CAMTA1: variants seen among roughly 807,000 people sequenced by gnomAD.
CAMTA1 encodes calmodulin binding transcription activator 1.
In CAMTA1, 27 loss-of-function variants were observed where a neutral mutation model predicts 170.9. That is an observed-to-expected ratio of 0.16 (90% CI 0.12 to 0.22). The LOEUF (loss-of-function observed/expected upper bound fraction) is 0.22. CAMTA1 is among the 10% of genes least tolerant of loss of function. The pLI is 1.00. For missense variants in CAMTA1, 1,619 were observed against 2,217.2 expected, an observed-to-expected ratio of 0.73 and a Z score of 5.42; for synonymous variants, 833 against 891.5, an observed-to-expected ratio of 0.93 and a Z score of 1.17.
chr1:7,168,684 G>A (rs1022543889), intron 4 of CAMTA1, among the ~76,000 whole-genome samples: 1 of 152,228 alleles, frequency 6.6e-6, no homozygotes, highest in South Asian at 2.1e-4. Flanking sequence ...GATTACAGGC[G>A]TGAGCTACTG....
rs202107647 is a variant in CAMTA1, at chr1:7,736,328, C to T, written c.3067-16C>T. ...CCTTTAGTCCTGAGGTCGTAACGTG[C>T]GCTTTTTTGTGACAGTGTGCTTCTG... On this transcript the variant is annotated splice_polypyrimidine_tract_variant and intron_variant, in intron 12 of 22. Coordinates refer to ENST00000303635, the MANE Select transcript of CAMTA1 (RefSeq NM_015215.4). The surrounding 1 kb of genome is among the most constrained non-coding windows in gnomAD (Gnocchi z 4.5). 3.5e-5 allele frequency: 56 copies of T among 1,611,746 alleles called. No homozygotes were observed. The highest frequency in any genetic ancestry group is 5.0e-5 in the Admixed American group (3 of 59,602).
chr1:6,930,065 G>C (rs1684115613), intron 3 of CAMTA1, among the ~76,000 whole-genome samples: 1 of 152,178 alleles, frequency 6.6e-6, no homozygotes, highest in Non-Finnish European at 1.5e-5. Flanking sequence ...GGCTGTAAAT[G>C]CTGTGGCTGG....
intron 5 of CAMTA1, among the ~76,000 whole-genome samples, chr1:7,256,827 AGGG>A (rs1384708499): frequency 6.6e-6 from 1 of 151,990 alleles, no homozygotes; most frequent in African/African-American, 2.4e-5. Context: ...GTGTCTGGCG[AGGG>A]CCTGTTTCCT....
At chr1:7,104,363 T>TACAC (rs1052494369) in intron 4 of CAMTA1, among the ~76,000 whole-genome samples, 1 of 86,764 alleles carries the variant, frequency 1.2e-5, no homozygotes, top group Non-Finnish European at 2.5e-5. Flanking sequence ...AAATACTCAA[T>TACAC]ACACATACAC....
At chr1:7,042,267 G>A (rs565795172) in intron 3 of CAMTA1, among the ~76,000 whole-genome samples, 7 of 152,136 alleles carry the variant, frequency 4.6e-5, no homozygotes, top group South Asian at 4.2e-4. Context: ...TTGCCTCCTC[G>A]TCCCCCTTCC....
At chr1:6,879,443 A>G (rs966673361) in intron 3 of CAMTA1, among the ~76,000 whole-genome samples, 1 of 152,142 alleles carries the variant, frequency 6.6e-6, no homozygotes, top group African/African-American at 2.4e-5. Flanking sequence ...GTGTTTAGAA[A>G]ATACAGTAAG....
At chr1:7,541,466 A>G (rs1226301864) in intron 6 of CAMTA1, among the ~76,000 whole-genome samples, 1 of 152,260 alleles carries the variant, frequency 6.6e-6, no homozygotes, top group Non-Finnish European at 1.5e-5. Flanking sequence ...AATTGGTTTA[A>G]GTGAAAATAA....
chr1:7,345,954 G>A (rs575039793), intron 5 of CAMTA1, among the ~76,000 whole-genome samples: 2 of 152,288 alleles, frequency 1.3e-5, no homozygotes, highest in South Asian at 2.1e-4. Flanking sequence ...TGGGGTACAG[G>A]GAAACCCTCT....
chr1:7,308,989 G>T (rs566118200), intron 5 of CAMTA1, among the ~76,000 whole-genome samples: 1 of 152,272 alleles, frequency 6.6e-6, no homozygotes, highest in African/African-American at 2.4e-5. Flanking sequence ...ATATTTGAAA[G>T]TTGTTATTAT....
intron 5 of CAMTA1, among the ~76,000 whole-genome samples, chr1:7,326,898 G>A (rs534339363): frequency 6.6e-6 from 1 of 152,232 alleles, no homozygotes; most frequent in Admixed American, 6.5e-5. Context: ...CAGGAAAGCA[G>A]GTAGAGAAGA....
chr1:7,186,071 G>A (rs1653197147), intron 4 of CAMTA1, among the ~76,000 whole-genome samples: 3 of 152,128 alleles, frequency 2.0e-5, no homozygotes, highest in Admixed American at 2.0e-4. Context: ...GAGGTACAGG[G>A]GCATCGTGGC....
intron 3 of CAMTA1, among the ~76,000 whole-genome samples, chr1:6,927,221 G>A (rs1392491159): frequency 6.6e-6 from 1 of 151,712 alleles, no homozygotes; most frequent in Non-Finnish European, 1.5e-5. Flanking sequence ...TTATTTTGTA[G>A]AGATGGGATT....
chr1:7,108,154 T>C (rs1222138278), intron 4 of CAMTA1, among the ~76,000 whole-genome samples: 1 of 152,056 alleles, frequency 6.6e-6, no homozygotes, highest in Non-Finnish European at 1.5e-5. Context: ...GCCCCAAATA[T>C]TGATGGCAAG....
Position 7,664,953 on chromosome 1 carries a change from G to A in CAMTA1, c.2406G>A (p.Ala802=), listed in dbSNP as rs149314642. ...GHQLVSGDST[A]LSQSEDGARA... is the part of the protein sequence containing the mutation. ...AGCTGGTGTCGGGGGACAGCACGGCGCTCTCACAGTCAGAGGACGGGGCGC... is the reference window on the plus strand; with the variant it reads ...AGCTGGTGTCGGGGGACAGCACGGCACTCTCACAGTCAGAGGACGGGGCGC... The change falls in exon 9 of 23, where the codon GCG becomes GCA. Residue 802 remains alanine, a synonymous_variant. Transcript: ENST00000303635. The A allele has an allele frequency of 2.0e-5, 32 of 1,612,826 alleles. No individual in the cohort carries two copies. Among genetic ancestry groups the A allele is most frequent in the South Asian group, 1.4e-4 (13 of 91,070 alleles).
chr1:7,526,502 C>T (rs1030646180), intron 6 of CAMTA1, among the ~76,000 whole-genome samples: 2 of 152,222 alleles, frequency 1.3e-5, no homozygotes, highest in African/African-American at 4.8e-5. Flanking sequence ...GGATACTGCA[C>T]ACAGACCACA....
chr1:6,947,251 T>C (rs6688108), intron 3 of CAMTA1, among the ~76,000 whole-genome samples: 82,906 of 152,084 alleles, frequency 0.55, 23,017 homozygotes, highest in Non-Finnish European at 0.61. Context: ...ACTATGAGTC[T>C]TCCAACTTCT....
At chr1:7,614,534 A>G (rs1179690120) in intron 6 of CAMTA1, among the ~76,000 whole-genome samples, 1 of 152,198 alleles carries the variant, frequency 6.6e-6, no homozygotes, top group Non-Finnish European at 1.5e-5. Flanking sequence ...GACAGTGACA[A>G]CAACCGCCCC....
intron 5 of CAMTA1, among the ~76,000 whole-genome samples, chr1:7,385,708 G>A (rs530574220): frequency 3.9e-5 from 6 of 152,318 alleles, no homozygotes; most frequent in South Asian, 2.1e-4. Context: ...CACCCAGCAC[G>A]ATGCTCCCTG....
In CAMTA1 at chr1:7,084,698, A is replaced by G. The variant is rs180839515; in HGVS notation, c.235-6606A>G. 3.0e-3 allele frequency among the ~76,000 whole-genome samples: 452 copies of G among 152,248 alleles called. 4 individuals are homozygous for G. Among genetic ancestry groups the G allele is most frequent in the African/African-American group, 0.01 (434 of 41,554 alleles). ...GGCTGCCGTTGGCTCCAGGAGGCAT[A>G]TGTGTTTGCGGGTTCCTGTGATGTC... On this transcript the variant is annotated intron_variant, in intron 3 of 22. Transcript: ENST00000303635.
Sources: allele counts gnomAD v4.1 joint callset (sites outside exome capture counted in the v4.1 genomes callset), GRCh38; gene constraint gnomAD v4.1.1; non-coding constraint Gnocchi (gnomAD v3.1); transcripts MANE v1.5; gene names NCBI Gene and HGNC (gene_info 2026-07-23, HGNC 2026-07-21).